The following PATJ variants were observed in gnomAD, a reference collection of about 807,000 sequenced individuals.
PATJ encodes the protein PATJ crumbs cell polarity complex component.
In PATJ, 190 loss-of-function variants were observed where a neutral mutation model predicts 224.9. The ratio of observed to expected loss-of-function variants is 0.84; its 90% CI spans 0.75 to 0.95. The LOEUF (loss-of-function observed/expected upper bound fraction) is 0.95, where lower values mean the gene tolerates loss of function less well. Among genes scored for constraint, PATJ ranks in the 40% least tolerant of loss-of-function variants. The pLI is 0.00. For missense variants in PATJ, 2,121 were observed against 2,270.3 expected, an observed-to-expected ratio of 0.93 and a Z score of 1.34; for synonymous variants, 769 against 820.3, an observed-to-expected ratio of 0.94 and a Z score of 1.07.
intron 13 of PATJ, 151 bp from the exon 14 acceptor site, chr1:61,808,323 T>G (rs1653994295): frequency 4.9e-6 from 3 of 611,610 alleles, no homozygotes; most frequent in Non-Finnish European, 8.8e-6. Context: ...TTTCACATTA[T>G]GTGTTATAGA....
intron 30 of PATJ, among the ~76,000 whole-genome samples, chr1:62,043,108 A>C (rs1309838966): frequency 6.6e-6 from 1 of 152,166 alleles, no homozygotes; most frequent in Non-Finnish European, 1.5e-5. Context: ...TCTACCAATT[A>C]CCTGTGGGCA....
chr1:62,112,036 A>G (rs1663889735), intron 34 of PATJ, among the ~76,000 whole-genome samples: 3 of 152,196 alleles, frequency 2.0e-5, no homozygotes, highest in South Asian at 4.2e-4. Context: ...AAGATATACC[A>G]GAAAATAAAC....
At chr1:61,972,103 G>A (rs925094337) in intron 27 of PATJ, among the ~76,000 whole-genome samples, 8 of 151,946 alleles carry the variant, frequency 5.3e-5, no homozygotes, top group African/African-American at 1.9e-4. Context: ...TCAGATTTGG[G>A]AATGTTTATG....
At position 62,049,974 on chromosome 1, in the gene PATJ, C is replaced by T. The variant is rs981954830; in HGVS notation, c.4033-992C>T. ...TCTACTAAAAATACAAAAATTAGCCCGTGTGGTGGCATGCACCTGTAGTCC... is the reference window on the plus strand; with the variant it reads ...TCTACTAAAAATACAAAAATTAGCCTGTGTGGTGGCATGCACCTGTAGTCC... On this transcript the variant is annotated intron_variant, in intron 30 of 43. Transcript: ENST00000642238. Among the ~76,000 whole-genome samples the T allele has an allele frequency of 2.0e-5, 3 of 151,752 alleles. No individual in the cohort carries two copies. In the South Asian group the frequency reaches 6.2e-4, roughly 32 times the overall value.
Position 62,161,188 on chromosome 1 carries a change from G to A in PATJ, c.*134G>A, listed in dbSNP as rs892737141. On this transcript the variant is annotated 3_prime_UTR_variant, in exon 44 of 44. Coordinates refer to ENST00000642238, the MANE Select transcript of PATJ (RefSeq NM_001350145.3). ...TATTTCTTGCCCTCTCTGCTCAGGA[G>A]AAATGGCTGAGGTTTCATGTGAATT... The A allele has an allele frequency of 8.1e-5, 49 of 601,658 alleles. No homozygotes were observed. The African/African-American group carries it at 9.0e-4, about 11-fold the overall frequency. The allele number at this position is 601,658 out of a possible 1,614,324, so 37.3% of individuals were successfully genotyped here. A position where few individuals can be genotyped will look rare whatever the true frequency, so the allele number is the denominator to read the frequency against.
At chr1:61,836,177 T>C (rs1337384245) in intron 17 of PATJ, among the ~76,000 whole-genome samples, 3 of 152,180 alleles carry the variant, frequency 2.0e-5, no homozygotes, top group Non-Finnish European at 4.4e-5. Context: ...CTATAGTCAG[T>C]TCTAAATGTA....
At chr1:61,842,130 C>T (rs981201112) in intron 17 of PATJ, among the ~76,000 whole-genome samples, 2 of 152,138 alleles carry the variant, frequency 1.3e-5, no homozygotes, top group Non-Finnish European at 2.9e-5. Flanking sequence ...TGACGACTGA[C>T]TTCCAAAAAC....
chr1:62,023,403 C>A (rs979916904), intron 29 of PATJ, among the ~76,000 whole-genome samples: 1 of 151,998 alleles, frequency 6.6e-6, no homozygotes, highest in African/African-American at 2.4e-5. Context: ...AAGAAACATT[C>A]ATTCATTTTT....
At chr1:61,941,280 A>AG (rs1677778364) in intron 27 of PATJ, among the ~76,000 whole-genome samples, 1 of 152,264 alleles carries the variant, frequency 6.6e-6, no homozygotes, top group African/African-American at 2.4e-5. Context: ...CTTATGGCAT[A>AG]ACTTTATTAT....
intron 23 of PATJ, 21 bp from the exon 24 acceptor site, chr1:61,901,261 T>G (rs767393854): frequency 6.8e-7 from 1 of 1,471,060 alleles, no homozygotes; most frequent in Admixed American, 2.8e-5. Context: ...TGAGTGAGTT[T>G]TGTTTTTTTC....
At chr1:61,924,174 C>A (rs920439189) in intron 26 of PATJ, among the ~76,000 whole-genome samples, 1 of 151,976 alleles carries the variant, frequency 6.6e-6, no homozygotes, top group Non-Finnish European at 1.5e-5. Flanking sequence ...TCAAGACCAG[C>A]CTGACCAACA....
At position 62,114,260 on chromosome 1, in the gene PATJ, G is replaced by C. The variant is rs12091049; in HGVS notation, c.4655+14G>C. ...CGTTGGGAAACGGTAAAGACGTGCT[G>C]TGGGAGTTGGGATCTGCCTTTTTCA... On this transcript the variant is annotated intron_variant, in intron 35 of 43. Coordinates refer to ENST00000642238, the MANE Select transcript of PATJ (RefSeq NM_001350145.3). 1,951 of 1,612,066 alleles carry C rather than the reference G, an allele frequency of 1.2e-3. 23 individuals are homozygous for C. In the African/African-American group the frequency reaches 0.024, roughly 20 times the overall value.
At chr1:62,053,199 A>C (rs1319315781) in intron 31 of PATJ, among the ~76,000 whole-genome samples, 1 of 152,176 alleles carries the variant, frequency 6.6e-6, no homozygotes, top group Admixed American at 6.5e-5. Flanking sequence ...ATAATGTTTC[A>C]TACTGCACTT....
intron 22 of PATJ, among the ~76,000 whole-genome samples, chr1:61,894,283 C>T (rs866519064): frequency 6.8e-6 from 1 of 148,136 alleles, no homozygotes; most frequent in South Asian, 2.2e-4. Flanking sequence ...AAAAAAAAAA[C>T]AGAGAATTCT....
In PATJ at chr1:61,791,333, G is replaced by A; in HGVS notation, c.1069-15G>A. On this transcript the variant is annotated splice_polypyrimidine_tract_variant and intron_variant, in intron 8 of 43. Transcript: ENST00000642238. ...CCACTAAGCATATATAATTAAATTT[G>A]TTTTTTCCTTTTAGGACAGTTCTCT... 1.3e-6 allele frequency: 2 copies of A among 1,497,726 alleles called. No individual in the cohort carries two copies. Among genetic ancestry groups the A allele is most frequent in the Non-Finnish European group, 1.9e-6 (2 of 1,075,774 alleles). 92.8% of individuals were successfully genotyped at this position (1,497,726 alleles called of 1,614,324 possible). A position where few individuals can be genotyped will look rare whatever the true frequency, so the allele number is the denominator to read the frequency against.
At chr1:61,785,573 G>A (rs956827980) in intron 7 of PATJ, among the ~76,000 whole-genome samples, 5 of 152,172 alleles carry the variant, frequency 3.3e-5, no homozygotes, top group Non-Finnish European at 7.3e-5. Flanking sequence ...AAGTGATTTT[G>A]AACCTGTAAG....
At chr1:61,976,033 C>A (rs144493024) in intron 27 of PATJ, among the ~76,000 whole-genome samples, 2 of 152,000 alleles carry the variant, frequency 1.3e-5, no homozygotes, top group Non-Finnish European at 2.9e-5. Flanking sequence ...GCTTGGTCTT[C>A]CTGTCTCTTT....
intron 27 of PATJ, among the ~76,000 whole-genome samples, chr1:61,958,805 C>A (rs764935766): frequency 1.3e-5 from 2 of 152,138 alleles, no homozygotes; most frequent in Admixed American, 6.6e-5. Context: ...TTCTCTGGAG[C>A]CTCACTTTCT....
intron 17 of PATJ, among the ~76,000 whole-genome samples, chr1:61,841,025 A>G (rs1320684869): frequency 6.6e-6 from 1 of 152,166 alleles, no homozygotes; most frequent in Non-Finnish European, 1.5e-5. Context: ...ATAGCAATAT[A>G]TAACTATCAA....
Sources: allele counts gnomAD v4.1 joint callset (sites outside exome capture counted in the v4.1 genomes callset), GRCh38; gene constraint gnomAD v4.1.1; transcripts MANE v1.5; gene names NCBI Gene and HGNC (gene_info 2026-07-23, HGNC 2026-07-21).